TAFA1: variants seen among roughly 807,000 people sequenced by gnomAD.
The protein encoded by TAFA1 is chemokine-like protein TAFA-1.
In TAFA1, 4 loss-of-function variants were observed where a neutral mutation model predicts 18.5. The ratio of observed to expected loss-of-function variants is 0.22; its 90% CI spans 0.11 to 0.49. The LOEUF (loss-of-function observed/expected upper bound fraction) is 0.49. Ranked by LOEUF, TAFA1 falls within the 20% of genes least tolerant of loss-of-function variation. The pLI is 0.98. For synonymous variants in TAFA1, 56 were observed against 55.2 expected, an observed-to-expected ratio of 1.01 and a Z score of -0.06; for missense variants, 147 against 169.0, an observed-to-expected ratio of 0.87 and a Z score of 0.72.
At chr3:68,119,568 C>T (rs939673519) in intron 2 of TAFA1, among the ~76,000 whole-genome samples, 4 of 128,954 alleles carry the variant, frequency 3.1e-5, no homozygotes, top group Non-Finnish European at 7.1e-5. Context: ...AAGTGTCCAA[C>T]TTCGTTTTTT....
intron 2 of TAFA1, among the ~76,000 whole-genome samples, chr3:68,305,120 C>G (rs1421762384): frequency 5.3e-5 from 8 of 151,858 alleles, no homozygotes; most frequent in Non-Finnish European, 8.8e-5. Context: ...CTCTGGGTAG[C>G]ATCCTTCCTT....
chr3:68,166,951 C>G (rs889605083), intron 2 of TAFA1, among the ~76,000 whole-genome samples: 4 of 152,164 alleles, frequency 2.6e-5, no homozygotes, highest in African/African-American at 9.7e-5. Flanking sequence ...AACTGGCCAC[C>G]TCTGGCAGAT....
chr3:68,292,317 C>T (rs2107280126), intron 2 of TAFA1, among the ~76,000 whole-genome samples: 2 of 151,220 alleles, frequency 1.3e-5, no homozygotes, highest in South Asian at 2.1e-4. Flanking sequence ...ATTTACCATA[C>T]GTACTCCCAT....
intron 2 of TAFA1, among the ~76,000 whole-genome samples, chr3:68,043,674 A>T (rs1261887600): frequency 1.3e-5 from 2 of 151,910 alleles, no homozygotes; most frequent in Admixed American, 1.3e-4. Context: ...GGATTTAAAC[A>T]TTTTTTCTCT....
intron 3 of TAFA1, among the ~76,000 whole-genome samples, chr3:68,458,115 G>T (rs1222495375): frequency 6.6e-6 from 1 of 152,084 alleles, no homozygotes; most frequent in Non-Finnish European, 1.5e-5. Context: ...CATGGAGGTG[G>T]ATTTTCCCTT....
intron 2 of TAFA1, chr3:68,145,719 G>A (rs1226186937): frequency 4.1e-6 from 3 of 730,096 alleles, no homozygotes; most frequent in South Asian, 3.0e-5. Flanking sequence ...TCAATTTATT[G>A]GATGGCTTAA....
chr3:68,388,568 T>TA (rs1239974916), intron 2 of TAFA1, among the ~76,000 whole-genome samples: 4 of 152,278 alleles, frequency 2.6e-5, no homozygotes, highest in East Asian at 1.9e-4. Flanking sequence ...ACGTTTTTTT[T>TA]ATCTAACCAC....
chr3:68,127,770 AGTGGTGATGGTG>A (rs1361817221), intron 2 of TAFA1, among the ~76,000 whole-genome samples: 1 of 87,458 alleles, frequency 1.1e-5, no homozygotes, highest in East Asian at 3.6e-4. Context: ...TGCTGATGGC[AGTGGTGATGGTG>A]GTGGTGGTGA....
At chr3:68,049,772 T>A (rs1463076687) in intron 2 of TAFA1, among the ~76,000 whole-genome samples, 1 of 152,068 alleles carries the variant, frequency 6.6e-6, no homozygotes, top group African/African-American at 2.4e-5. Context: ...TCTGTCCTTT[T>A]TAGGTGGTGA....
At chr3:68,408,621 C>A (rs1174644313) in intron 2 of TAFA1, among the ~76,000 whole-genome samples, 1 of 152,132 alleles carries the variant, frequency 6.6e-6, no homozygotes, top group Non-Finnish European at 1.5e-5. Context: ...CCCTCCCTCT[C>A]TTTCTTTCCT....
intron 2 of TAFA1, among the ~76,000 whole-genome samples, chr3:68,410,381 C>T (rs1415173727): frequency 6.6e-6 from 1 of 152,106 alleles, no homozygotes; most frequent in African/African-American, 2.4e-5. Flanking sequence ...GTACATTTAA[C>T]ACATCTAACT....
chr3:68,179,823 C>T (rs1383797698), intron 2 of TAFA1, among the ~76,000 whole-genome samples: 1 of 151,954 alleles, frequency 6.6e-6, no homozygotes, highest in East Asian at 1.9e-4. Flanking sequence ...TGCTTGAATG[C>T]ATGCTCCTGA....
At chr3:68,494,633 TGGAA>T (rs2072513462) in intron 3 of TAFA1, among the ~76,000 whole-genome samples, 1 of 152,146 alleles carries the variant, frequency 6.6e-6, no homozygotes, top group South Asian at 2.1e-4. Context: ...CTCTTGAAAA[TGGAA>T]GTCACACATG....
intron 2 of TAFA1, among the ~76,000 whole-genome samples, chr3:68,262,334 T>TTTC (rs2067447110): frequency 3.1e-5 from 3 of 95,796 alleles, no homozygotes; most frequent in Admixed American, 1.0e-4. Context: ...TATATATATA[T>TTTC]ATATATATAT....
chr3:68,288,450 A>G (rs9843318), intron 2 of TAFA1, among the ~76,000 whole-genome samples: 53,865 of 151,980 alleles, frequency 0.35, 10,068 homozygotes, highest in Non-Finnish European at 0.42. Flanking sequence ...TTCCTGGAGA[A>G]TTTGCCCATG....
At chr3:68,530,053 G>A (rs1338315905) in intron 3 of TAFA1, among the ~76,000 whole-genome samples, 2 of 152,156 alleles carry the variant, frequency 1.3e-5, no homozygotes, top group African/African-American at 4.8e-5. Flanking sequence ...CCTGTATTGA[G>A]AAACTCTGAT....
intron 2 of TAFA1, among the ~76,000 whole-genome samples, chr3:68,059,361 C>T (rs1478121829): frequency 6.6e-6 from 1 of 151,980 alleles, no homozygotes; most frequent in East Asian, 1.9e-4. Flanking sequence ...TATTTGAATG[C>T]GTAGATGAGG....
At chr3:68,075,008 A>G (rs555357761) in intron 2 of TAFA1, among the ~76,000 whole-genome samples, 1 of 152,314 alleles carries the variant, frequency 6.6e-6, no homozygotes, top group South Asian at 2.1e-4. Flanking sequence ...ACAAAAGTGT[A>G]CCTTTGGTTT....
chr3:68,072,853 T>A (rs1487508016), intron 2 of TAFA1, among the ~76,000 whole-genome samples: 1 of 152,180 alleles, frequency 6.6e-6, no homozygotes, highest in East Asian at 1.9e-4. Context: ...CGTGATCTAG[T>A]AGAAACAAAA....
Sources: allele counts gnomAD v4.1 joint callset (sites outside exome capture counted in the v4.1 genomes callset), GRCh38; gene constraint gnomAD v4.1.1; transcripts MANE v1.5; gene names NCBI Gene and HGNC (gene_info 2026-07-23, HGNC 2026-07-21).